The following SDK1 variants were observed in gnomAD, a reference collection of about 807,000 sequenced individuals.
SDK1 encodes the protein sidekick cell adhesion molecule 1, also known as protein sidekick-1.
A neutral mutation model predicts 245.5 loss-of-function variants in SDK1; 157 were observed. The ratio of observed to expected loss-of-function variants is 0.64; its 90% CI spans 0.56 to 0.73. The LOEUF is 0.73. Among genes scored for constraint, SDK1 ranks in the 30% least tolerant of loss-of-function variants. The pLI is 0.00. For missense variants in SDK1, 3,583 were observed against 3,002.3 expected, an observed-to-expected ratio of 1.19 and a Z score of -4.52; for synonymous variants, 1,647 against 1,278.5, an observed-to-expected ratio of 1.29 and a Z score of -6.15.
chr7:4,189,341 C>T (rs1228600055), intron 35 of SDK1, among the ~76,000 whole-genome samples: 4 of 152,190 alleles, frequency 2.6e-5, no homozygotes, highest in African/African-American at 7.2e-5. Context: ...AAGGCTGAGG[C>T]TCACATGGTT....
intron 1 of SDK1, among the ~76,000 whole-genome samples, chr7:3,494,825 T>A (rs1370965964): frequency 6.6e-6 from 1 of 152,238 alleles, no homozygotes; most frequent in African/African-American, 2.4e-5. Context: ...ACACACGGTT[T>A]ATTTGTTAAA....
At chr7:3,323,149 C>A (rs1462096807) in intron 1 of SDK1, among the ~76,000 whole-genome samples, 4 of 152,054 alleles carry the variant, frequency 2.6e-5, no homozygotes, top group Non-Finnish European at 5.9e-5. Context: ...GATGCTGTCT[C>A]CTAGCCCCCT....
intron 23 of SDK1, among the ~76,000 whole-genome samples, chr7:4,112,237 AG>A (rs1474268893): frequency 1.3e-5 from 2 of 152,110 alleles, no homozygotes; most frequent in African/African-American, 4.8e-5. Flanking sequence ...CCAAGCAGGG[AG>A]GGGGCTTGCA....
intron 1 of SDK1, among the ~76,000 whole-genome samples, chr7:3,525,415 C>G (rs941275036): frequency 6.6e-6 from 1 of 152,006 alleles, no homozygotes; most frequent in Non-Finnish European, 1.5e-5. Flanking sequence ...TCAGTGTCTC[C>G]CTTTTCTTGT....
At chr7:4,215,174 AGAAC>A (rs1406325489) in intron 38 of SDK1, among the ~76,000 whole-genome samples, 1 of 152,240 alleles carries the variant, frequency 6.6e-6, no homozygotes, top group East Asian at 1.9e-4. Flanking sequence ...CGTCAAAAGA[AGAAC>A]GTGGACCAAG....
chr7:3,541,852 A>G (rs1779061348), intron 1 of SDK1, among the ~76,000 whole-genome samples: 1 of 152,208 alleles, frequency 6.6e-6, no homozygotes, highest in South Asian at 2.1e-4. Flanking sequence ...TTAAGGAGCT[A>G]AATGCCCTCT....
chr7:3,680,525 A>T (rs1386983626), intron 4 of SDK1, among the ~76,000 whole-genome samples: 1 of 152,194 alleles, frequency 6.6e-6, no homozygotes, highest in African/African-American at 2.4e-5. Flanking sequence ...ATGACTATGC[A>T]GGTTTTGATA....
chr7:4,236,772 C>T (rs975753345), intron 41 of SDK1, among the ~76,000 whole-genome samples: 3 of 152,044 alleles, frequency 2.0e-5, no homozygotes, highest in African/African-American at 7.2e-5. Context: ...GAGTGCTGTG[C>T]GCAGGCAGGA....
At chr7:3,475,867 T>A (rs2128600166) in intron 1 of SDK1, among the ~76,000 whole-genome samples, 1 of 152,330 alleles carries the variant, frequency 6.6e-6, no homozygotes, top group East Asian at 1.9e-4. Context: ...GTGGTACTTC[T>A]TATTCATTGC....
At chr7:3,716,930 G>A (rs1431944298) in intron 4 of SDK1, among the ~76,000 whole-genome samples, 1 of 152,046 alleles carries the variant, frequency 6.6e-6, no homozygotes, top group Non-Finnish European at 1.5e-5. Flanking sequence ...GTGGATAATA[G>A]GGGTAAATAA....
intron 39 of SDK1, among the ~76,000 whole-genome samples, 161 bp from the exon 40 acceptor site, chr7:4,221,078 C>G (rs578084942): frequency 1.2e-4 from 19 of 152,280 alleles, no homozygotes. Context: ...CCTTGCCTCC[C>G]TGTTATTAAG....
chr7:3,395,602 C>G, intron 1 of SDK1, among the ~76,000 whole-genome samples: 1 of 151,756 alleles, frequency 6.6e-6, no homozygotes, highest in East Asian at 1.9e-4. Flanking sequence ...ATGAAATTCC[C>G]CAGTGAAGGA....
intron 8 of SDK1, among the ~76,000 whole-genome samples, chr7:3,962,236 T>A (rs1380553656): frequency 6.6e-6 from 1 of 152,240 alleles, no homozygotes; most frequent in Non-Finnish European, 1.5e-5. Flanking sequence ...GGCATGGACC[T>A]GGGATGTGGC....
chr7:3,591,516 C>T (rs576528574), intron 1 of SDK1, among the ~76,000 whole-genome samples: 3 of 152,228 alleles, frequency 2.0e-5, no homozygotes, highest in Non-Finnish European at 4.4e-5. Flanking sequence ...AAATATTTTG[C>T]ACTGGCTGTT....
intron 1 of SDK1, among the ~76,000 whole-genome samples, chr7:3,461,578 C>T (rs568976029): frequency 6.6e-6 from 1 of 152,224 alleles, no homozygotes; most frequent in East Asian, 1.9e-4. Flanking sequence ...GGATTAGAAT[C>T]CTCCGGTCAC....
chr7:3,780,549 C>G (rs1209195835), intron 4 of SDK1, among the ~76,000 whole-genome samples: 2 of 152,208 alleles, frequency 1.3e-5, no homozygotes, highest in Non-Finnish European at 2.9e-5. Flanking sequence ...GTAGGAATTT[C>G]TACCTAGCCT....
At chr7:3,516,968 C>A (rs1432688710) in intron 1 of SDK1, among the ~76,000 whole-genome samples, 2 of 152,062 alleles carry the variant, frequency 1.3e-5, no homozygotes, top group African/African-American at 2.4e-5. Flanking sequence ...GATACTTTAT[C>A]TTTTTGGTGA....
rs10602730 is a variant in SDK1 at position 4,025,016 on chromosome 7, TCACACACA to T, written c.2602+7691_2602+7698del. ...GCACAATGAGAACTCTATTTTGCAT[TCACACACA>T]CACACACACACACACACACACACAC... On this transcript the variant is annotated intron_variant, in intron 17 of 44. Coordinates refer to ENST00000404826, the MANE Select transcript of SDK1 (RefSeq NM_152744.4). Among the ~76,000 whole-genome samples, 1,157 of 148,434 alleles carry T rather than the reference TCACACACA, an allele frequency of 7.8e-3. 17 individuals carry two copies. Among genetic ancestry groups the T allele is most frequent in the African/African-American group, 0.023 (941 of 40,756 alleles).
In SDK1 at chr7:3,675,635, A is replaced by G. The variant is rs574419500; in HGVS notation, c.713+33530A>G. On this transcript the variant is annotated intron_variant, in intron 4 of 44. Coordinates refer to ENST00000404826, the MANE Select transcript of SDK1 (RefSeq NM_152744.4). ...GTCACCCAGGCTGGAGTATAGTAGC[A>G]TGGTCATAGCTCACTGCGGCCTGGA... is the stretch of plus-strand genomic sequence containing the variant. Among the ~76,000 whole-genome samples the G allele has an allele frequency of 2.6e-5, 4 of 152,116 alleles. No homozygotes were observed. In the South Asian group the frequency reaches 8.3e-4, roughly 32 times the overall value.
Sources: allele counts gnomAD v4.1 joint callset (sites outside exome capture counted in the v4.1 genomes callset), GRCh38; gene constraint gnomAD v4.1.1; transcripts MANE v1.5; gene names NCBI Gene and HGNC (gene_info 2026-07-23, HGNC 2026-07-21).